The following UBE2E2 variants were observed in gnomAD, a reference collection of about 807,000 sequenced individuals.
UBE2E2 encodes ubiquitin conjugating enzyme E2 E2.
Under a neutral mutation model 24.7 loss-of-function variants are expected in UBE2E2, and 6 were observed. The ratio of observed to expected loss-of-function variants is 0.24; its 90% confidence interval spans 0.13 to 0.48. UBE2E2 has a LOEUF of 0.48. UBE2E2 is among the 20% of genes least tolerant of loss of function. UBE2E2 has a pLI of 0.99. For missense variants in UBE2E2, 169 were observed against 245.0 expected, an observed-to-expected ratio of 0.69 and a Z score of 2.07; for synonymous variants, 104 against 83.6, an observed-to-expected ratio of 1.24 and a Z score of -1.33.
chr3:23,471,007 A>G (rs759889909), intron 3 of UBE2E2, among the ~76,000 whole-genome samples: 9 of 152,296 alleles, frequency 5.9e-5, no homozygotes, highest in South Asian at 2.1e-4. Context: ...TTGAAGTACA[A>G]TATCTACAGT....
At chr3:23,242,254 G>A (rs1415546945) in intron 3 of UBE2E2, among the ~76,000 whole-genome samples, 2 of 151,980 alleles carry the variant, frequency 1.3e-5, no homozygotes, top group East Asian at 1.9e-4. Flanking sequence ...TTTTAAAGTT[G>A]TTTTTAGTAT....
intron 3 of UBE2E2, among the ~76,000 whole-genome samples, chr3:23,366,875 A>G (rs987487920): frequency 6.6e-6 from 1 of 152,224 alleles, no homozygotes; most frequent in Non-Finnish European, 1.5e-5. Flanking sequence ...AATTAAGAAA[A>G]TTTGTATAAC....
intron 3 of UBE2E2, among the ~76,000 whole-genome samples, chr3:23,336,862 G>C (rs984742791): frequency 1.3e-5 from 2 of 152,120 alleles, no homozygotes; most frequent in Non-Finnish European, 2.9e-5. Context: ...CTGATTGGCC[G>C]GGTGCGGTGT....
intron 2 of UBE2E2, among the ~76,000 whole-genome samples, chr3:23,209,619 C>T (rs796464021): frequency 3.9e-5 from 6 of 152,308 alleles, no homozygotes; most frequent in African/African-American, 1.4e-4. Flanking sequence ...CGGAAGTATA[C>T]ATAAAAGCGA....
At chr3:23,396,878 G>A (rs1396245196) in intron 3 of UBE2E2, among the ~76,000 whole-genome samples, 1 of 152,128 alleles carries the variant, frequency 6.6e-6, no homozygotes, top group Non-Finnish European at 1.5e-5. Context: ...AGGACAGGGG[G>A]GATGTGGTCA....
intron 3 of UBE2E2, among the ~76,000 whole-genome samples, chr3:23,489,109 T>C (rs1365600043): frequency 6.6e-6 from 1 of 152,124 alleles, no homozygotes; most frequent in Non-Finnish European, 1.5e-5. Context: ...AGAGCAGTGG[T>C]CCCCCACCTT....
At chr3:23,352,921 G>C (rs972227339) in intron 3 of UBE2E2, among the ~76,000 whole-genome samples, 3 of 152,128 alleles carry the variant, frequency 2.0e-5, no homozygotes, top group African/African-American at 7.2e-5. Context: ...GCCGGGCAGA[G>C]ACACAACCAA....
intron 4 of UBE2E2, among the ~76,000 whole-genome samples, chr3:23,500,242 G>T (rs1242153907): frequency 1.3e-5 from 2 of 152,160 alleles, no homozygotes; most frequent in African/African-American, 4.8e-5. Flanking sequence ...GACTAGTATG[G>T]AAAGTATGAC....
At chr3:23,493,873 C>T (rs896850462) in intron 3 of UBE2E2, among the ~76,000 whole-genome samples, 1 of 152,110 alleles carries the variant, frequency 6.6e-6, no homozygotes, top group African/African-American at 2.4e-5. Context: ...TGATCATCTG[C>T]AGCGTGTAAC....
chr3:23,479,160 G>A (rs1699200394), intron 3 of UBE2E2, among the ~76,000 whole-genome samples: 1 of 152,300 alleles, frequency 6.6e-6, no homozygotes, highest in Non-Finnish European at 1.5e-5. Flanking sequence ...AATCAGCTGT[G>A]CTTGACTCAT....
chr3:23,325,574 A>G (rs976055611), intron 3 of UBE2E2, among the ~76,000 whole-genome samples: 1 of 152,236 alleles, frequency 6.6e-6, no homozygotes, highest in African/African-American at 2.4e-5. Context: ...TTTAAAGTCT[A>G]AACCCATAGA....
At chr3:23,290,889 T>TAAA (rs71051209) in intron 3 of UBE2E2, among the ~76,000 whole-genome samples, 962 of 86,696 alleles carry the variant, frequency 0.011, 13 homozygotes, top group African/African-American at 0.019. Flanking sequence ...ACTGTGTGTC[T>TAAA]AAAAAAAAAA....
intron 3 of UBE2E2, among the ~76,000 whole-genome samples, chr3:23,445,992 G>A (rs1241109872): frequency 2.6e-5 from 4 of 151,994 alleles, no homozygotes; most frequent in Non-Finnish European, 4.4e-5. Context: ...TCAGCCTGGG[G>A]GAACAGAGAG....
At chr3:23,548,544 T>A (rs1299184880) in intron 5 of UBE2E2, among the ~76,000 whole-genome samples, 1 of 152,200 alleles carries the variant, frequency 6.6e-6, no homozygotes, top group Non-Finnish European at 1.5e-5. Flanking sequence ...TACTTACTTC[T>A]TTAAGACAGA....
At chr3:23,413,442 C>T (rs1386148719) in intron 3 of UBE2E2, among the ~76,000 whole-genome samples, 3 of 152,096 alleles carry the variant, frequency 2.0e-5, no homozygotes, top group African/African-American at 7.2e-5. Context: ...TTAAGATCAG[C>T]TCAGCCTTAA....
At chr3:23,228,096 C>G (rs1575486533) in intron 3 of UBE2E2, among the ~76,000 whole-genome samples, 1 of 152,278 alleles carries the variant, frequency 6.6e-6, no homozygotes, top group South Asian at 2.1e-4. Flanking sequence ...TCAATAAAAT[C>G]ACCATGAGAA....
At chr3:23,336,590 A>C (rs1378908624) in intron 3 of UBE2E2, among the ~76,000 whole-genome samples, 2 of 152,222 alleles carry the variant, frequency 1.3e-5, no homozygotes, top group Admixed American at 6.5e-5. Context: ...AGCCAACATA[A>C]ATGATCTTTA....
intron 3 of UBE2E2, among the ~76,000 whole-genome samples, chr3:23,405,710 G>A (rs1697339389): frequency 1.3e-5 from 2 of 151,798 alleles, no homozygotes; most frequent in African/African-American, 2.4e-5. Flanking sequence ...CTAGTGAGAT[G>A]GCAAGTTCAT....
rs1250937513 is a variant in UBE2E2 at position 23,511,067 on chromosome 3, C to T, written c.360+11327C>T. On this transcript the variant is annotated intron_variant, in intron 4 of 5. Coordinates refer to ENST00000396703, the MANE Select transcript of UBE2E2 (RefSeq NM_152653.4). ...ACATAGAGAAGTGAGCAATGGCATG[C>T]CCCATCTTGCATAGAATTTACATTC... Among the ~76,000 whole-genome samples, 5 of 152,198 alleles carry T rather than the reference C, an allele frequency of 3.3e-5. No individual in the cohort carries two copies. In the East Asian group the frequency reaches 7.7e-4, roughly 23 times the overall value.
Sources: allele counts gnomAD v4.1 joint callset (sites outside exome capture counted in the v4.1 genomes callset), GRCh38; gene constraint gnomAD v4.1.1; transcripts MANE v1.5; gene names NCBI Gene and HGNC (gene_info 2026-07-23, HGNC 2026-07-21).